Variants in SH3GL3 observed in about 807,000 individuals in gnomAD.
SH3GL3 encodes SH3 domain containing GRB2 like 3, endophilin A3.
A neutral mutation model predicts 47.7 loss-of-function variants in SH3GL3; 33 were observed. The observed-to-expected ratio is 0.69, with a 90% confidence interval of 0.52 to 0.92. The LOEUF (loss-of-function observed/expected upper bound fraction) is 0.92. SH3GL3 is among the 40% of genes least tolerant of loss of function. The probability of loss-of-function intolerance (pLI) is 0.00; values close to 1 mark genes in which losing one functional copy is unlikely to be tolerated. For synonymous variants in SH3GL3, 155 were observed against 148.8 expected (o/e 1.04, Z -0.30); for missense variants, 363 against 417.8 (o/e 0.87, Z 1.14).
intron 1 of SH3GL3, among the ~76,000 whole-genome samples, chr15:83,460,040 CCCTCCCTCCCTCCCTG>C (rs1402497472): frequency 1.2e-4 from 7 of 58,532 alleles, no homozygotes; most frequent in South Asian, 8.2e-4. Context: ...CTCCCTCCCT[CCCTCCCTCCCTCCCTG>C]CCTCCCTCCC....
In SH3GL3 at chr15:83,448,159, G is replaced by T. The variant is rs1235600616; in HGVS notation, c.45+581G>T. Among the ~76,000 whole-genome samples the T allele has an allele frequency of 1.3e-5, 2 of 152,198 alleles. No homozygotes were observed. Among genetic ancestry groups the T allele is most frequent in the Non-Finnish European group, 2.9e-5 (2 of 68,038 alleles). ...CCTTCCCCTCCCCACCGTCTTCCCG[G>T]TGTCGGCCCGGGGCTGGGCATCACG... On this transcript the variant is annotated intron_variant, in intron 1 of 8. Transcript: ENST00000427482. This position sits in a 1 kb window ranked among gnomAD's most constrained non-coding sequence, Gnocchi z 4.2.
intron 1 of SH3GL3, among the ~76,000 whole-genome samples, chr15:83,482,118 A>G (rs1000099402): frequency 6.6e-6 from 1 of 152,130 alleles, no homozygotes; most frequent in Admixed American, 6.5e-5. Flanking sequence ...AAATTTGTAT[A>G]TATTGATTTT....
At position 83,447,512 on chromosome 15, in the gene SH3GL3, G is replaced by T; in HGVS notation, c.-22G>T. 1 of 1,496,788 alleles carries T rather than the reference G, an allele frequency of 6.7e-7. No individual in the cohort carries two copies. The highest frequency in any genetic ancestry group is 8.9e-7 in the Non-Finnish European group (1 of 1,121,080). The allele number at this position is 1,496,788 out of a possible 1,614,324, so 92.7% of individuals were successfully genotyped here. On this transcript the variant is annotated 5_prime_UTR_variant, in exon 1 of 9. Coordinates refer to ENST00000427482, the MANE Select transcript of SH3GL3 (RefSeq NM_003027.5). The surrounding 1 kb of genome is among the most constrained non-coding windows in gnomAD (Gnocchi z 5.1). ...CCCAGCCGAGCCTTGAGACCACCCC[G>T]CCCCTGCCGGTCGCAGTCGCGATGT... is the stretch of plus-strand genomic sequence containing the variant.
intron 1 of SH3GL3, among the ~76,000 whole-genome samples, chr15:83,478,380 G>A (rs559323863): frequency 6.6e-5 from 10 of 152,314 alleles, no homozygotes; most frequent in Admixed American, 2.0e-4. Flanking sequence ...GCTGAGTCTG[G>A]TTGGCTGTCT....
chr15:83,492,708 C>T (rs1343032783), intron 1 of SH3GL3, among the ~76,000 whole-genome samples: 1 of 152,218 alleles, frequency 6.6e-6, no homozygotes, highest in African/African-American at 2.4e-5. Flanking sequence ...ACAAATACCC[C>T]AGCTTCCTTC....
At chr15:83,589,161 AGTAAAATAATCAAACAGAAAAAAATTG>A (rs2060027782) in intron 8 of SH3GL3, among the ~76,000 whole-genome samples, 1 of 152,192 alleles carries the variant, frequency 6.6e-6, no homozygotes, top group Admixed American at 6.5e-5. Context: ...TGTGTCTTTT[AGTAAAATAATCAAACAGAAAAAAATTG>A]GTAAAATAAT....
intron 6 of SH3GL3, among the ~76,000 whole-genome samples, chr15:83,578,706 A>T (rs182064864): frequency 6.6e-6 from 1 of 150,526 alleles, no homozygotes; most frequent in Non-Finnish European, 1.5e-5. Flanking sequence ...GAGGTGTGAC[A>T]GTTTGGTATC....
chr15:83,571,385 G>A (rs1217667524), intron 4 of SH3GL3, among the ~76,000 whole-genome samples: 5 of 152,186 alleles, frequency 3.3e-5, no homozygotes, highest in Non-Finnish European at 7.3e-5. Flanking sequence ...GCAGGAAAGA[G>A]TCCACAGGCT....
At chr15:83,609,353 G>A (rs1265201735) in intron 8 of SH3GL3, 3 of 455,598 alleles carry the variant, frequency 6.6e-6, no homozygotes, top group East Asian at 6.9e-5. Flanking sequence ...AAAGTGACAG[G>A]TCGCAGCCAG....
intron 2 of SH3GL3, among the ~76,000 whole-genome samples, chr15:83,563,420 T>C (rs1303954892): frequency 6.6e-6 from 1 of 152,208 alleles, no homozygotes; most frequent in African/African-American, 2.4e-5. Flanking sequence ...GCTGGTTTAT[T>C]AATATGCCCA....
At chr15:83,552,488 A>T (rs150033904) in intron 1 of SH3GL3, among the ~76,000 whole-genome samples, 2 of 152,270 alleles carry the variant, frequency 1.3e-5, no homozygotes, top group Non-Finnish European at 1.5e-5. Flanking sequence ...ATGGTTAAAA[A>T]ACCCCAAAAC....
At chr15:83,618,833 C>T (rs1264058150), downstream of SH3GL3, 1 of 160,020 alleles carries the variant, frequency 6.2e-6, no homozygotes, top group Non-Finnish European at 1.4e-5. Flanking sequence ...CGAAGTGTCA[C>T]AGCGCAGATG....
intron 1 of SH3GL3, among the ~76,000 whole-genome samples, chr15:83,464,227 C>T (rs2040456505): frequency 6.6e-6 from 1 of 152,164 alleles, no homozygotes; most frequent in Non-Finnish European, 1.5e-5. Flanking sequence ...GGACTATTCT[C>T]TGCTTACAAC....
chr15:83,546,989 G>A (rs1327002312), intron 1 of SH3GL3, among the ~76,000 whole-genome samples: 1 of 152,144 alleles, frequency 6.6e-6, no homozygotes, highest in African/African-American at 2.4e-5. Flanking sequence ...GCCTGGAGTT[G>A]GGGAAGGGGT....
chr15:83,561,861 A>C (rs1157307483), intron 2 of SH3GL3, among the ~76,000 whole-genome samples: 1 of 152,158 alleles, frequency 6.6e-6, no homozygotes, highest in African/African-American at 2.4e-5. Flanking sequence ...CCTCATGGGC[A>C]GGGTGCCAGC....
At chr15:83,573,303 T>C (rs1302960343) in intron 5 of SH3GL3, among the ~76,000 whole-genome samples, 4 of 152,240 alleles carry the variant, frequency 2.6e-5, no homozygotes, top group Non-Finnish European at 5.9e-5. Context: ...AAGATGTTCC[T>C]CCAGGTGCCT....
chr15:83,448,474 GTGTGTGTT>G lies in SH3GL3; in HGVS notation c.45+897_45+904del, dbSNP rs1025834450. Among the ~76,000 whole-genome samples, 1 of 150,980 alleles carries G rather than the reference GTGTGTGTT, an allele frequency of 6.6e-6. No individual in the cohort carries two copies. The highest frequency in any genetic ancestry group is 1.5e-5 in the Non-Finnish European group (1 of 67,794). ...TGTGTGTGTGTGTGTGTGTGTGTGT[GTGTGTGTT>G]GATGACAAGCAAATTTGTTTTTCAA... is the stretch of plus-strand genomic sequence containing the variant. On this transcript the variant is annotated intron_variant, in intron 1 of 8. Transcript: ENST00000427482. This position sits in a 1 kb window ranked among gnomAD's most constrained non-coding sequence, Gnocchi z 4.2.
At chr15:83,627,219 A>T in the SH3GL3 span, among the ~76,000 whole-genome samples, 1 of 152,088 alleles carries the variant, frequency 6.6e-6, no homozygotes, top group African/African-American at 2.4e-5. Context: ...AACACGGTGA[A>T]ACCCCATCTC....
chr15:83,602,089 C>T (rs948354508), intron 8 of SH3GL3, among the ~76,000 whole-genome samples: 121 of 152,274 alleles, frequency 7.9e-4, no homozygotes, highest in African/African-American at 2.7e-3. Context: ...CTGATGGCAG[C>T]TCTGCCATCT....
Sources: allele counts gnomAD v4.1 joint callset (sites outside exome capture counted in the v4.1 genomes callset), GRCh38; gene constraint gnomAD v4.1.1; non-coding constraint Gnocchi (gnomAD v3.1); transcripts MANE v1.5; gene names NCBI Gene and HGNC (gene_info 2026-07-23, HGNC 2026-07-21).